Variants in PCGF5 observed in about 807,000 individuals in gnomAD.
PCGF5 encodes the protein polycomb group RING finger protein 5.
Under a neutral mutation model 44.3 loss-of-function variants are expected in PCGF5, and 9 were observed. The observed-to-expected ratio is 0.20, with a 90% CI of 0.12 to 0.35. The LOEUF (loss-of-function observed/expected upper bound fraction) is 0.35. Among genes scored for constraint, PCGF5 ranks in the 10% least tolerant of loss-of-function variants. PCGF5 has a pLI of 1.00. For missense variants in PCGF5, 146 were observed against 305.3 expected, an observed-to-expected ratio of 0.48 and a Z score of 3.89; for synonymous variants, 95 against 102.5, an observed-to-expected ratio of 0.93 and a Z score of 0.44.
chr10:91,204,454 G>A (rs1324256327), intron 1 of PCGF5, among the ~76,000 whole-genome samples: 1 of 152,090 alleles, frequency 6.6e-6, no homozygotes, highest in Non-Finnish European at 1.5e-5. Flanking sequence ...CTTCTAGAAT[G>A]CAGACTCTAT....
chr10:91,196,317 T>G (rs1844133346), intron 1 of PCGF5, among the ~76,000 whole-genome samples: 1 of 152,194 alleles, frequency 6.6e-6, no homozygotes, highest in Non-Finnish European at 1.5e-5. Flanking sequence ...TAAACCATAA[T>G]CAGACCCTAA....
At chr10:91,202,410 C>T (rs1844269496) in intron 1 of PCGF5, among the ~76,000 whole-genome samples, 1 of 152,132 alleles carries the variant, frequency 6.6e-6, no homozygotes, top group African/African-American at 2.4e-5. Flanking sequence ...TAATTTAATT[C>T]CCTGTGATTC....
At chr10:91,169,024 A>G (rs1843555923) in intron 1 of PCGF5, among the ~76,000 whole-genome samples, 1 of 151,126 alleles carries the variant, frequency 6.6e-6, no homozygotes, top group Non-Finnish European at 1.5e-5. Flanking sequence ...AGGAATGAAG[A>G]TCGAGGGAGG....
At chr10:91,250,836 A>G (rs960842123) in intron 5 of PCGF5, among the ~76,000 whole-genome samples, 1 of 151,796 alleles carries the variant, frequency 6.6e-6, no homozygotes, top group Non-Finnish European at 1.5e-5. Context: ...TATGAATAGT[A>G]ATTTGAAATT....
At chr10:91,272,861 C>CAGGG (rs971079989) in intron 9 of PCGF5, among the ~76,000 whole-genome samples, 1 of 152,102 alleles carries the variant, frequency 6.6e-6, no homozygotes, top group African/African-American at 2.4e-5. Context: ...TCCTTGGAGC[C>CAGGG]AGGGAGAAAG....
chr10:91,172,906 G>T (rs1456483481), intron 1 of PCGF5, among the ~76,000 whole-genome samples: 2 of 152,166 alleles, frequency 1.3e-5, no homozygotes, highest in African/African-American at 4.8e-5. Context: ...TTTGAACTCA[G>T]AACTTTGAAA....
upstream of PCGF5, among the ~76,000 whole-genome samples, chr10:91,159,823 T>C (rs1427642610): frequency 2.6e-5 from 4 of 152,238 alleles, no homozygotes; most frequent in Admixed American, 2.0e-4. Context: ...GGGATTTGAA[T>C]ACAGGTAGTC....
chr10:91,162,643 C>A (rs1843406017), upstream of PCGF5, among the ~76,000 whole-genome samples: 2 of 151,558 alleles, frequency 1.3e-5, no homozygotes, highest in South Asian at 4.2e-4. Flanking sequence ...GGGCAGCCGC[C>A]GCGGCTCGTC....
At chr10:91,217,485 T>A (rs1172311343), upstream of PCGF5, among the ~76,000 whole-genome samples, 1 of 152,202 alleles carries the variant, frequency 6.6e-6, no homozygotes, top group Non-Finnish European at 1.5e-5. Flanking sequence ...TACCCACCCA[T>A]TGCCCAGCCA....
chr10:91,206,786 G>T (rs7894809), intron 1 of PCGF5, among the ~76,000 whole-genome samples: 3 of 152,042 alleles, frequency 2.0e-5, no homozygotes, highest in African/African-American at 7.3e-5. Context: ...GCCTTACATT[G>T]TGTATTCTCT....
intron 1 of PCGF5, among the ~76,000 whole-genome samples, chr10:91,175,403 G>A (rs1455069595): frequency 2.0e-5 from 3 of 152,014 alleles, no homozygotes; most frequent in African/African-American, 7.2e-5. Context: ...CTCTTCTCTG[G>A]GTAAAATGAG....
intron 8 of PCGF5, among the ~76,000 whole-genome samples, chr10:91,269,239 G>T (rs931678317): frequency 7.2e-5 from 11 of 152,262 alleles, no homozygotes; most frequent in Admixed American, 1.3e-4. Context: ...TATAAATTGA[G>T]GATGCAGAAT....
Position 91,280,104 on chromosome 10 carries a change from G to A in PCGF5, c.*1788G>A, listed in dbSNP as rs1042912035. 6.6e-6 allele frequency: 1 copy of A among 151,826 alleles called. No homozygotes were observed. Among genetic ancestry groups the A allele is most frequent in the African/African-American group, 2.4e-5 (1 of 41,352 alleles). The allele number at this position is 151,826 out of a possible 1,614,324, so 9.4% of individuals were successfully genotyped here. A position where few individuals can be genotyped will look rare whatever the true frequency, so the allele number is the denominator to read the frequency against. On this transcript the variant is annotated 3_prime_UTR_variant, in exon 10 of 10. Transcript: ENST00000336126. ...ATGGCTCACAAGCAGAATTTAAAAG[G>A]CAGATTTTCATTAACTATAAATGGC... is the stretch of plus-strand genomic sequence containing the variant.
Position 91,261,438 on chromosome 10 carries a change from T to C in PCGF5, c.573+14T>C. The C allele has an allele frequency of 1.4e-6, 2 of 1,419,760 alleles. No individual in the cohort carries two copies. Among genetic ancestry groups the C allele is most frequent in the Non-Finnish European group, 1.9e-6 (2 of 1,070,002 alleles). 87.9% of individuals were successfully genotyped at this position (1,419,760 alleles called of 1,614,324 possible). On this transcript the variant is annotated intron_variant, in intron 7 of 9. Transcript: ENST00000336126. Reference sequence around the variant, plus strand: ...AGTTCTTATGAGGTAAGTTAAATAATATCTAAGCTTGATCATTTTGATAAT... The same window carrying C: ...AGTTCTTATGAGGTAAGTTAAATAACATCTAAGCTTGATCATTTTGATAAT...
chr10:91,252,426 T>C (rs190682157), intron 6 of PCGF5, among the ~76,000 whole-genome samples: 35 of 152,152 alleles, frequency 2.3e-4, no homozygotes, highest in Non-Finnish European at 3.8e-4. Flanking sequence ...AGCACAGTAA[T>C]TCAGTGAATA....
At chr10:91,187,833 C>T (rs1334823833) in intron 1 of PCGF5, among the ~76,000 whole-genome samples, 1 of 152,008 alleles carries the variant, frequency 6.6e-6, no homozygotes, top group African/African-American at 2.4e-5. Context: ...TTAGAAAAAA[C>T]TTAGAGTATT....
chr10:91,277,792 G>C (rs986107473), intron 9 of PCGF5, among the ~76,000 whole-genome samples: 1 of 151,824 alleles, frequency 6.6e-6, no homozygotes, highest in African/African-American at 2.4e-5. Context: ...TATGATTTGT[G>C]AACACTACTC....
intron 6 of PCGF5, among the ~76,000 whole-genome samples, chr10:91,258,285 T>G (rs766377229): frequency 6.6e-6 from 1 of 152,150 alleles, no homozygotes; most frequent in African/African-American, 2.4e-5. Flanking sequence ...TAAGTAGTGA[T>G]ACAAACATCA....
At chr10:91,265,986 C>T (rs2133430761) in intron 8 of PCGF5, among the ~76,000 whole-genome samples, 1 of 152,240 alleles carries the variant, frequency 6.6e-6, no homozygotes, top group South Asian at 2.1e-4. Flanking sequence ...TAACAACCTG[C>T]CTTTCTGTAA....
Sources: gnomAD v4.1 joint callset for allele counts (sites outside exome capture counted in the v4.1 genomes callset) on GRCh38, gnomAD v4.1.1 for gene constraint, MANE v1.5 for transcripts, NCBI Gene and HGNC (gene_info 2026-07-23, HGNC 2026-07-21) for gene names.